The following AFF2 variants were observed in gnomAD, a reference collection of about 807,000 sequenced individuals.
The protein encoded by AFF2 is ALF transcription elongation factor 2.
A neutral mutation model predicts 76.9 loss-of-function variants in AFF2; 14 were observed. The observed-to-expected ratio is 0.18, with a 90% confidence interval of 0.12 to 0.28. The LOEUF (loss-of-function observed/expected upper bound fraction) is 0.28, where lower values mean the gene tolerates loss of function less well. AFF2 is among the 10% of genes least tolerant of loss of function. The pLI, the probability that AFF2 is intolerant of heterozygous loss-of-function variation, is 1.00. For synonymous variants in AFF2, 398 were observed against 366.7 expected (o/e 1.09, Z -0.98); for missense variants, 868 against 1,001.1 (o/e 0.87, Z 1.79).
At chrX:148,883,807 T>A (rs193222688) in intron 7 of AFF2, among the ~76,000 whole-genome samples, 21 of 111,399 alleles carry the variant, frequency 1.9e-4, no homozygotes, top group Non-Finnish European at 3.6e-4. Flanking sequence ...AGCTGTAACA[T>A]CATCTCCTTC....
chrX:148,916,240 T>C lies in AFF2; in HGVS notation c.1397+11982T>C, dbSNP rs111375544. ...TTTTTTTTTTTTTGAGACGGAGTCT[T>C]GCTTTGTCGCCCAGGTTGGAGTGCA... On this transcript the variant is annotated intron_variant, in intron 9 of 20. Coordinates refer to ENST00000370460, the MANE Select transcript of AFF2 (RefSeq NM_002025.4). 8.4e-3 allele frequency among the ~76,000 whole-genome samples: 813 copies of C among 96,316 alleles called. 19 individuals are homozygous for C. Among genetic ancestry groups the C allele is most frequent in the African/African-American group, 0.032 (762 of 24,096 alleles). 83.6% of individuals were successfully genotyped at this position (96,316 alleles called of 115,157 possible). A position where few individuals can be genotyped will look rare whatever the true frequency, so the allele number is the denominator to read the frequency against.
chrX:148,624,311 G>A (rs1302335926), intron 1 of AFF2, among the ~76,000 whole-genome samples: 3 of 111,182 alleles, frequency 2.7e-5, no homozygotes, highest in Non-Finnish European at 5.7e-5. Flanking sequence ...ATAATGATCT[G>A]GGTTAAAATG....
chrX:148,881,221 C>T (rs1230600807), intron 7 of AFF2, among the ~76,000 whole-genome samples: 3 of 111,847 alleles, frequency 2.7e-5, no homozygotes, highest in Middle Eastern at 4.2e-3. Flanking sequence ...AGTGTCCCAA[C>T]GGTTGTTTCT....
intron 1 of AFF2, among the ~76,000 whole-genome samples, chrX:148,598,996 A>G (rs1401215327): frequency 8.9e-6 from 1 of 112,618 alleles, no homozygotes; most frequent in African/African-American, 3.2e-5. Flanking sequence ...TGTTAACTCT[A>G]GAACGGTAAC....
At chrX:148,627,580 A>C (rs1341335632) in intron 1 of AFF2, among the ~76,000 whole-genome samples, 1 of 112,222 alleles carries the variant, frequency 8.9e-6, no homozygotes, top group Admixed American at 9.4e-5. Context: ...TAATGAAAAC[A>C]GGGCAGTAGC....
At chrX:148,792,992 C>G (rs1352572117) in intron 3 of AFF2, among the ~76,000 whole-genome samples, 10 of 111,833 alleles carry the variant, frequency 8.9e-5, no homozygotes, top group Non-Finnish European at 7.5e-5. Context: ...TTAATAAGTA[C>G]TATTATTTTC....
chrX:148,719,392 A>C, intron 3 of AFF2, among the ~76,000 whole-genome samples: 1 of 111,507 alleles, frequency 9.0e-6, no homozygotes, highest in East Asian at 2.8e-4. Flanking sequence ...TAGAGGTAAA[A>C]TTGTATGGAT....
chrX:148,907,954 C>T (rs1263037260), intron 9 of AFF2, among the ~76,000 whole-genome samples: 5 of 110,849 alleles, frequency 4.5e-5, no homozygotes, highest in South Asian at 8.1e-4. Flanking sequence ...CCCTCAAGGA[C>T]GCATTCTCTT....
intron 1 of AFF2, among the ~76,000 whole-genome samples, chrX:148,516,376 G>A (rs1557233803): frequency 9.0e-6 from 1 of 111,489 alleles, no homozygotes; most frequent in African/African-American, 3.3e-5. Context: ...CACCCCTCCG[G>A]ATATCCTCTC....
chrX:148,755,253 G>A (rs782755459), intron 3 of AFF2, among the ~76,000 whole-genome samples: 38 of 112,003 alleles, frequency 3.4e-4, no homozygotes, highest in African/African-American at 9.7e-4. Flanking sequence ...TCAAATCATC[G>A]TGACGCTGAG....
At chrX:148,861,370 G>T (rs1557276401) in intron 7 of AFF2, among the ~76,000 whole-genome samples, 1 of 111,872 alleles carries the variant, frequency 8.9e-6, no homozygotes, top group Non-Finnish European at 1.9e-5. Context: ...GAAATATTTA[G>T]ATTCTCTTTT....
chrX:148,582,187 G>C (rs928354373), intron 1 of AFF2, among the ~76,000 whole-genome samples: 7 of 111,330 alleles, frequency 6.3e-5, no homozygotes, highest in Non-Finnish European at 1.1e-4. Context: ...CATTTTAGGA[G>C]GAACATTGTT....
intron 3 of AFF2, among the ~76,000 whole-genome samples, chrX:148,782,329 C>CA (rs1405969922): frequency 1.8e-5 from 2 of 111,877 alleles, no homozygotes; most frequent in Admixed American, 1.9e-4. Context: ...TCTTGATAGA[C>CA]AAGCCTGTGT....
chrX:148,568,230 A>G (rs2053190038), intron 1 of AFF2, among the ~76,000 whole-genome samples: 1 of 111,912 alleles, frequency 8.9e-6, no homozygotes, highest in Non-Finnish European at 1.9e-5. Context: ...ACTGAGCAAT[A>G]AATACCCTGG....
chrX:148,641,273 C>T lies in AFF2; in HGVS notation c.48-10726C>T. ...TAGGTAGAAAAATATGTTAGCCTGTCATTTGTTCATTCATTCAGTTGAGAA... is the reference window on the plus strand; with the variant it reads ...TAGGTAGAAAAATATGTTAGCCTGTTATTTGTTCATTCATTCAGTTGAGAA... On this transcript the variant is annotated intron_variant, in intron 1 of 20. Coordinates refer to ENST00000370460, the MANE Select transcript of AFF2 (RefSeq NM_002025.4). Among the ~76,000 whole-genome samples, 3 of 112,026 alleles carry T rather than the reference C, an allele frequency of 2.7e-5. 1 individual carries two copies. The Middle Eastern group carries it at 0.014, about 519-fold the overall frequency.
intron 3 of AFF2, among the ~76,000 whole-genome samples, chrX:148,776,081 C>T (rs2069663715): frequency 9.0e-6 from 1 of 110,890 alleles, no homozygotes; most frequent in Admixed American, 9.6e-5. Flanking sequence ...CGTTGTTCAA[C>T]TCCCACTTAT....
chrX:148,956,610 C>G lies in AFF2; in HGVS notation c.2565C>G (p.His855Gln). The change falls in exon 11 of 21, where the codon CAC becomes CAG. Residue 855 changes from histidine to glutamine, a missense_variant. This residue lies in a region of AFF2 where 532 missense variants were observed against 564.2 expected (regional missense o/e 0.94). Coordinates refer to ENST00000370460, the MANE Select transcript of AFF2 (RefSeq NM_002025.4). ...EKPAPKGKRK[H>Q]KPIEVAEKIP... ...CAGCCCCTAAGGGCAAACGTAAGCA[C>G]AAGGTAAGCTGTCTAAAGTGGCCTG... The G allele has an allele frequency of 8.3e-7, 1 of 1,204,974 alleles. No homozygotes were observed. Among genetic ancestry groups the G allele is most frequent in the Non-Finnish European group, 1.1e-6 (1 of 892,560 alleles).
At chrX:148,790,711 C>G (rs1031105078) in intron 3 of AFF2, among the ~76,000 whole-genome samples, 8 of 110,328 alleles carry the variant, frequency 7.3e-5, no homozygotes, top group African/African-American at 2.3e-4. Flanking sequence ...GGGAGGGAGA[C>G]CATTAGGAAA....
intron 10 of AFF2, 130 bp from the exon 11 acceptor site, chrX:148,955,473 G>A (rs1415956715): frequency 1.6e-6 from 1 of 641,235 alleles, no homozygotes; most frequent in Non-Finnish European, 2.4e-6. Context: ...GTGTATGAGT[G>A]TGTGTATTTG....
Sources: gnomAD v4.1 joint callset for allele counts (sites outside exome capture counted in the v4.1 genomes callset) on GRCh38, gnomAD v4.1.1 for gene constraint, gnomAD v4.1.1 regional missense constraint, MANE v1.5 for transcripts, NCBI Gene and HGNC (gene_info 2026-07-23, HGNC 2026-07-21) for gene names.